The following KNTC1 variants were observed in gnomAD, a reference collection of about 807,000 sequenced individuals.
KNTC1 encodes kinetochore associated 1.
KNTC1 carries 253 observed loss-of-function variants against 314.4 expected under a neutral mutation model. That is an observed-to-expected ratio of 0.80 (90% CI 0.73 to 0.89). The LOEUF (loss-of-function observed/expected upper bound fraction) is 0.89. KNTC1 is among the 40% of genes least tolerant of loss of function. The probability of loss-of-function intolerance (pLI) is 0.00; values close to 1 mark genes in which losing one functional copy is unlikely to be tolerated. For missense variants in KNTC1, 2,475 were observed against 2,572.9 expected (o/e 0.96, Z 0.82); for synonymous variants, 901 against 901.4 (o/e 1.00, Z 0.01).
chr12:122,558,114 G>T (rs141559797), intron 18 of KNTC1, among the ~76,000 whole-genome samples: 388 of 151,980 alleles, frequency 2.6e-3, no homozygotes, highest in Non-Finnish European at 4.0e-3. Flanking sequence ...GTTGGGCGTG[G>T]TGGCACGTGC....
At chr12:122,531,984 C>A in intron 2 of KNTC1, among the ~76,000 whole-genome samples, 1 of 150,684 alleles carries the variant, frequency 6.6e-6, no homozygotes, top group East Asian at 2.0e-4. Flanking sequence ...CCGCCCGGCT[C>A]GGCCTCCCAA....
chr12:122,570,066 A>T (rs1455859426), intron 22 of KNTC1, among the ~76,000 whole-genome samples: 2 of 152,206 alleles, frequency 1.3e-5, no homozygotes, highest in African/African-American at 4.8e-5. Context: ...AAAGACTAAC[A>T]TCACATGTTC....
At chr12:122,578,615 T>C (rs1269850128) in intron 31 of KNTC1, among the ~76,000 whole-genome samples, 1 of 152,090 alleles carries the variant, frequency 6.6e-6, no homozygotes, top group Non-Finnish European at 1.5e-5. Context: ...GAGACGGGTT[T>C]CACCATGTTG....
rs1872087295 is a variant in KNTC1, at chr12:122,602,625, T to C, written c.4710T>C (p.Asp1570=). ...ACAGAAGAATTTCTCCTCCCGTGGA[T>C]CTAGAATATCAGTATATGTTGGAAC... ...KSYRRISPPV[D]LEYQYMLEHV... The change falls in exon 46 of 64, where the codon GAT becomes GAC. Residue 1570 remains aspartate (D), a synonymous_variant. Transcript: ENST00000333479. The C allele has an allele frequency of 6.2e-7, 1 of 1,611,888 alleles. No homozygotes were observed. The highest frequency in any genetic ancestry group is 8.5e-7 in the Non-Finnish European group (1 of 1,178,022).
intron 18 of KNTC1, among the ~76,000 whole-genome samples, chr12:122,558,214 C>G (rs1856864822): frequency 6.6e-6 from 1 of 152,150 alleles, no homozygotes. Flanking sequence ...TGTTCCACTG[C>G]TCTTCAGCCT....
At chr12:122,581,815 A>T (rs1042942678) in intron 33 of KNTC1, among the ~76,000 whole-genome samples, 1 of 152,234 alleles carries the variant, frequency 6.6e-6, no homozygotes, top group African/African-American at 2.4e-5. Flanking sequence ...TTTTGTTAAA[A>T]TACTTATAAC....
chr12:122,598,579 C>G (rs1379537704), intron 44 of KNTC1, among the ~76,000 whole-genome samples: 1 of 151,700 alleles, frequency 6.6e-6, no homozygotes, highest in African/African-American at 2.4e-5. Context: ...CACCATCATG[C>G]CTGGCTCATT....
Position 122,551,608 on chromosome 12 carries a change from TC to T in KNTC1, c.1197-11del, listed in dbSNP as rs1963205866. On this transcript the variant is annotated splice_polypyrimidine_tract_variant and intron_variant, in intron 15 of 63. Transcript: ENST00000333479. ...AATAAGCATTTAACAAAATTTCTCTTCCAACTTAACAGATTGAGTCGGTTAC... is the reference window on the plus strand; with the variant it reads ...AATAAGCATTTAACAAAATTTCTCTTCAACTTAACAGATTGAGTCGGTTAC... The T allele has an allele frequency of 6.2e-7, 1 of 1,612,874 alleles. No individual in the cohort carries two copies. Among genetic ancestry groups the T allele is most frequent in the Non-Finnish European group, 8.5e-7 (1 of 1,179,090 alleles).
chr12:122,571,332 A>G (rs979872704), intron 24 of KNTC1, among the ~76,000 whole-genome samples: 1 of 151,508 alleles, frequency 6.6e-6, no homozygotes, highest in Non-Finnish European at 1.5e-5. Flanking sequence ...ACTTCAACCT[A>G]TGTTTTTAAT....
chr12:122,550,392 T>C (rs942724003), intron 13 of KNTC1, among the ~76,000 whole-genome samples: 1 of 152,148 alleles, frequency 6.6e-6, no homozygotes, highest in Admixed American at 6.5e-5. Flanking sequence ...TTATTTATTA[T>C]AAACTCTTCT....
At chr12:122,601,686 CAT>C in intron 45 of KNTC1, 61 bp downstream of exon 45, 2 of 1,377,874 alleles carry the variant, frequency 1.5e-6, no homozygotes, top group Non-Finnish European at 1.9e-6. Flanking sequence ...GATCATAAAT[CAT>C]ATCATTATCC....
chr12:122,543,800 C>T (rs895333610), intron 7 of KNTC1, among the ~76,000 whole-genome samples, 166 bp downstream of exon 7: 6 of 151,960 alleles, frequency 3.9e-5, no homozygotes, highest in Non-Finnish European at 8.8e-5. Flanking sequence ...CCCGTAATCC[C>T]AGCACTTTGG....
Position 122,562,017 on chromosome 12 carries a change from C to T in KNTC1, c.1542+43C>T, listed in dbSNP as rs756216053. 6.5e-6 allele frequency: 10 copies of T among 1,543,588 alleles called. No homozygotes were observed. The African/African-American group carries it at 1.2e-4, about 19-fold the overall frequency. ...CTAGGTTAATATGTGGGTGAATATACCTTTATAATATGTTTTCCATTCAAA... is the reference window on the plus strand; with the variant it reads ...CTAGGTTAATATGTGGGTGAATATATCTTTATAATATGTTTTCCATTCAAA... On this transcript the variant is annotated intron_variant, in intron 19 of 63. Transcript: ENST00000333479.
intron 49 of KNTC1, 80 bp downstream of exon 49, chr12:122,604,717 C>A: frequency 8.0e-7 from 1 of 1,243,494 alleles, no homozygotes; most frequent in South Asian, 1.3e-5. Flanking sequence ...CTCATGCTGC[C>A]CTGGTGCCTA....
At chr12:122,540,194 C>T (rs1301611706) in intron 5 of KNTC1, among the ~76,000 whole-genome samples, 2 of 137,854 alleles carry the variant, frequency 1.5e-5, no homozygotes, top group East Asian at 2.1e-4. Context: ...TTTTTTGAGA[C>T]GAAGTGTCCC....
Position 122,549,755 on chromosome 12 carries a change from A to G in KNTC1, c.988-11A>G, listed in dbSNP as rs763852045. The G allele has an allele frequency of 2.8e-5, 37 of 1,301,772 alleles. No individual in the cohort carries two copies. Among genetic ancestry groups the G allele is most frequent in the Non-Finnish European group, 3.8e-5 (35 of 916,470 alleles). 80.6% of individuals were successfully genotyped at this position (1,301,772 alleles called of 1,614,324 possible). ...GATCTGCTAAATTAATTGCTCTGCT[A>G]TTTTTCTTAGATGAAAAACCTCATG... On this transcript the variant is annotated splice_polypyrimidine_tract_variant and intron_variant, in intron 12 of 63. Transcript: ENST00000333479.
chr12:122,538,530 C>G (rs1962033068), intron 4 of KNTC1, 76 bp downstream of exon 4: 2 of 804,572 alleles, frequency 2.5e-6, no homozygotes, highest in Admixed American at 5.7e-5. Flanking sequence ...CTCTAGCAAA[C>G]TATTACTTAA....
intron 60 of KNTC1, 85 bp downstream of exon 60, chr12:122,620,693 T>G (rs1444933202): frequency 1.8e-5 from 26 of 1,409,294 alleles, no homozygotes; most frequent in Non-Finnish European, 2.4e-5. Context: ...GCATTTTCAT[T>G]TCAGCAAACC....
chr12:122,584,773 A>T, intron 35 of KNTC1, 120 bp from the exon 36 acceptor site: 2 of 623,072 alleles, frequency 3.2e-6, no homozygotes, highest in Non-Finnish European at 5.5e-6. Context: ...GCTATATGGA[A>T]CCTTTCTATC....
Sources: allele counts gnomAD v4.1 joint callset (sites outside exome capture counted in the v4.1 genomes callset), GRCh38; gene constraint gnomAD v4.1.1; transcripts MANE v1.5; gene names NCBI Gene and HGNC (gene_info 2026-07-23, HGNC 2026-07-21).